NSRP1: variants seen among roughly 807,000 people sequenced by gnomAD.
The protein encoded by NSRP1 is nuclear speckle splicing regulatory protein 1, also known as coiled-coil domain containing 55.
NSRP1 carries 24 observed loss-of-function variants against 54.7 expected under a neutral mutation model. The observed-to-expected ratio is 0.44, with a 90% CI of 0.32 to 0.62. The LOEUF is 0.62. Among genes scored for constraint, NSRP1 ranks in the 20% least tolerant of loss-of-function variants. The pLI is 0.06. For synonymous variants in NSRP1, 210 were observed against 213.8 expected (o/e 0.98, Z 0.15); for missense variants, 596 against 651.2 (o/e 0.92, Z 0.92).
chr17:30,138,738 A>T (rs1324710875), intron 2 of NSRP1, among the ~76,000 whole-genome samples: 1 of 151,772 alleles, frequency 6.6e-6, no homozygotes, highest in East Asian at 1.9e-4. Flanking sequence ...GTTTTTGAGG[A>T]CTGTTTCAGT....
intron 2 of NSRP1, among the ~76,000 whole-genome samples, chr17:30,141,232 T>C (rs1340163070): frequency 6.6e-6 from 1 of 152,216 alleles, no homozygotes; most frequent in Non-Finnish European, 1.5e-5. Context: ...TTTGTTGTCT[T>C]TTACAATTAA....
chr17:30,116,828 C>T lies in NSRP1; in HGVS notation c.-16C>T. 6.4e-7 allele frequency: 1 copy of T among 1,571,922 alleles called. No homozygotes were observed. The highest frequency in any genetic ancestry group is 8.6e-7 in the Non-Finnish European group (1 of 1,158,140). On this transcript the variant is annotated 5_prime_UTR_variant, in exon 1 of 7. Transcript: ENST00000247026. ...TCACGGAGGCGTCGGCCACGTTCAG[C>T]GGACACGGGAGCAAGATGGCGATTC... is the stretch of plus-strand genomic sequence containing the variant.
At chr17:30,177,857 A>G in intron 3 of NSRP1, 3 of 604,926 alleles carry the variant, frequency 5.0e-6, no homozygotes, top group South Asian at 1.8e-5. Flanking sequence ...CCAAAAGATT[A>G]CAAACAAACT....
chr17:30,133,283 G>A (rs143909006), intron 2 of NSRP1, among the ~76,000 whole-genome samples: 1 of 152,140 alleles, frequency 6.6e-6, no homozygotes, highest in East Asian at 1.9e-4. Flanking sequence ...AAGCCTTGAA[G>A]GTCAGAATTA....
chr17:30,138,908 C>CTTTT (rs1567793683), intron 2 of NSRP1, among the ~76,000 whole-genome samples: 3 of 64,924 alleles, frequency 4.6e-5, no homozygotes, highest in Non-Finnish European at 6.4e-5. Flanking sequence ...CAAGTCTTAG[C>CTTTT]GTTTTTTTTT....
At chr17:30,181,606 T>TG (rs1555583857) in intron 6 of NSRP1, among the ~76,000 whole-genome samples, 21 of 148,398 alleles carry the variant, frequency 1.4e-4, no homozygotes, top group South Asian at 2.1e-4. Context: ...GGTTTTTTTT[T>TG]TTTGTTTTTT....
chr17:30,158,812 T>G (rs1952603360), intron 2 of NSRP1, among the ~76,000 whole-genome samples: 1 of 152,144 alleles, frequency 6.6e-6, no homozygotes, highest in Admixed American at 6.5e-5. Flanking sequence ...TTCTGTTCCA[T>G]TTTGGTCTAT....
chr17:30,118,155 TTC>T lies in NSRP1; in HGVS notation c.98_99del (p.Ser33Ter). The T allele has an allele frequency of 6.2e-7, 1 of 1,613,738 alleles. No homozygotes were observed. Among genetic ancestry groups the T allele is most frequent in the Non-Finnish European group, 8.5e-7 (1 of 1,179,728 alleles). Reference protein sequence around the residue: ...LQKPSVFGNDSDDDDETSVSE... With the variant: ...LQKPSVFGNDXDDDDETSVSE... ...AAAAACCATCAGTGTTTGGGAATGATTCTGATGATGATGATGAGGTAAGGAAA... is the reference window on the plus strand; with the variant it reads ...AAAAACCATCAGTGTTTGGGAATGATTGATGATGATGATGAGGTAAGGAAA... On this transcript the variant is annotated frameshift_variant, in exon 2 of 7. Coordinates refer to ENST00000247026, the MANE Select transcript of NSRP1 (RefSeq NM_032141.4). LOFTEE classifies it high-confidence loss of function.
chr17:30,149,943 G>A (rs1271898169), intron 2 of NSRP1, among the ~76,000 whole-genome samples: 1 of 151,824 alleles, frequency 6.6e-6, no homozygotes, highest in East Asian at 1.9e-4. Context: ...AGAGAAACCT[G>A]ATCATTAGCA....
intron 2 of NSRP1, among the ~76,000 whole-genome samples, chr17:30,145,913 G>A (rs2071850491): frequency 6.6e-6 from 1 of 152,194 alleles, no homozygotes; most frequent in South Asian, 2.1e-4. Flanking sequence ...GCAGAGGCAT[G>A]ACCATGGCTC....
At chr17:30,162,501 C>T (rs1904556611) in intron 2 of NSRP1, among the ~76,000 whole-genome samples, 2 of 152,176 alleles carry the variant, frequency 1.3e-5, no homozygotes, top group Non-Finnish European at 2.9e-5. Context: ...AATAAATGAT[C>T]TGTTGCTAAG....
At chr17:30,176,226 T>C (rs938872811) in intron 3 of NSRP1, among the ~76,000 whole-genome samples, 8 of 152,174 alleles carry the variant, frequency 5.3e-5, no homozygotes, top group Non-Finnish European at 1.2e-4. Context: ...TTTTGCTTTA[T>C]TTATGTTGCA....
At chr17:30,135,816 C>T (rs999864294) in intron 2 of NSRP1, among the ~76,000 whole-genome samples, 2 of 152,124 alleles carry the variant, frequency 1.3e-5, no homozygotes, top group Non-Finnish European at 2.9e-5. Flanking sequence ...TACTGTGCAT[C>T]TCATGCCCCC....
At chr17:30,116,909 C>T (rs2071538423) in intron 1 of NSRP1, 46 bp downstream of exon 1, 2 of 1,557,150 alleles carry the variant, frequency 1.3e-6, no homozygotes, top group Non-Finnish European at 8.7e-7. Flanking sequence ...TGAGAAACTA[C>T]GGCGACTGTA....
At chr17:30,138,919 T>TTTG (rs1555578499) in intron 2 of NSRP1, among the ~76,000 whole-genome samples, 8 of 132,508 alleles carry the variant, frequency 6.0e-5, no homozygotes, top group South Asian at 2.8e-4. Context: ...GTTTTTTTTT[T>TTTG]TTTTTTTTTT....
At chr17:30,119,819 TATATA>T (rs2071581325) in intron 2 of NSRP1, among the ~76,000 whole-genome samples, 1 of 152,184 alleles carries the variant, frequency 6.6e-6, no homozygotes, top group Admixed American at 6.5e-5. Context: ...CAGTTTTTAT[TATATA>T]ATAGCATGGG....
intron 2 of NSRP1, among the ~76,000 whole-genome samples, chr17:30,134,631 C>CA (rs1423778619): frequency 6.6e-6 from 1 of 152,212 alleles, no homozygotes; most frequent in Non-Finnish European, 1.5e-5. Flanking sequence ...GTCAATAGCA[C>CA]ACACAGGGTA....
intron 2 of NSRP1, among the ~76,000 whole-genome samples, chr17:30,157,362 GTGTT>G (rs746566780): frequency 1.3e-5 from 2 of 152,116 alleles, no homozygotes; most frequent in African/African-American, 2.4e-5. Context: ...GTACATGTGA[GTGTT>G]TGTTACATGC....
Position 30,184,599 on chromosome 17 carries a change from G to A in NSRP1, c.618-16G>A, listed in dbSNP as rs1351452295. The A allele has an allele frequency of 6.6e-7, 1 of 1,519,306 alleles. No individual in the cohort carries two copies. Among genetic ancestry groups the A allele is most frequent in the Non-Finnish European group, 8.8e-7 (1 of 1,135,974 alleles). 94.1% of individuals were successfully genotyped at this position (1,519,306 alleles called of 1,614,324 possible). A position where few individuals can be genotyped will look rare whatever the true frequency, so the allele number is the denominator to read the frequency against. On this transcript the variant is annotated splice_polypyrimidine_tract_variant and intron_variant, in intron 6 of 6. Transcript: ENST00000247026. ...GTGGCATTTTTTTCTGCCCTTTTTT[G>A]TTTTTTGTTTCTAAGATCTGGTATA...
Sources: allele counts gnomAD v4.1 joint callset (sites outside exome capture counted in the v4.1 genomes callset), GRCh38; gene constraint gnomAD v4.1.1; transcripts MANE v1.5; gene names NCBI Gene and HGNC (gene_info 2026-07-23, HGNC 2026-07-21).